PPP2R2B: variants seen among roughly 807,000 people sequenced by gnomAD.
PPP2R2B encodes the protein protein phosphatase 2 regulatory subunit Bbeta.
A neutral mutation model predicts 46.0 loss-of-function variants in PPP2R2B; 5 were observed. That is an observed-to-expected ratio of 0.11 (90% CI 0.06 to 0.23). PPP2R2B has a LOEUF of 0.23. Ranked by LOEUF, PPP2R2B falls within the 10% of genes least tolerant of loss-of-function variation. The pLI is 1.00. For missense variants in PPP2R2B, 367 were observed against 575.0 expected, an observed-to-expected ratio of 0.64 and a Z score of 3.70; for synonymous variants, 215 against 206.7, an observed-to-expected ratio of 1.04 and a Z score of -0.34.
intron 7 of PPP2R2B, among the ~76,000 whole-genome samples, chr5:146,631,644 T>C (rs1017491789): frequency 2.6e-5 from 4 of 152,210 alleles, no homozygotes; most frequent in Non-Finnish European, 5.9e-5. Flanking sequence ...ATCAGGTACC[T>C]CAATGCCTCT....
At chr5:147,069,040 A>T (rs1484079566) in intron 2 of PPP2R2B, among the ~76,000 whole-genome samples, 1 of 152,232 alleles carries the variant, frequency 6.6e-6, no homozygotes, top group East Asian at 1.9e-4. Context: ...AAAAAACAAC[A>T]GATCTTATGT....
intron 2 of PPP2R2B, among the ~76,000 whole-genome samples, chr5:146,848,138 AGTTT>A (rs150086106): frequency 0.15 from 21,944 of 146,424 alleles, 1,903 homozygotes; most frequent in East Asian, 0.36. Flanking sequence ...CTTATTCTTT[AGTTT>A]TTTTTATCTT....
chr5:146,870,870 C>T (rs769242501), intron 2 of PPP2R2B, among the ~76,000 whole-genome samples: 21 of 152,196 alleles, frequency 1.4e-4, no homozygotes, highest in Non-Finnish European at 3.1e-4. Flanking sequence ...TACCCCCATA[C>T]AAGCACACAC....
intron 7 of PPP2R2B, among the ~76,000 whole-genome samples, chr5:146,628,854 A>G (rs1774236214): frequency 6.6e-6 from 1 of 152,198 alleles, no homozygotes; most frequent in Admixed American, 6.5e-5. Flanking sequence ...TCTCAGAAGC[A>G]TTTGACATAA....
At chr5:146,851,363 T>G (rs547151782) in intron 2 of PPP2R2B, among the ~76,000 whole-genome samples, 3 of 152,204 alleles carry the variant, frequency 2.0e-5, no homozygotes, top group South Asian at 2.1e-4. Context: ...GAGAGACAGG[T>G]GCTCACCTTC....
intron 2 of PPP2R2B, among the ~76,000 whole-genome samples, chr5:146,780,583 C>G (rs1205646196): frequency 6.6e-6 from 1 of 152,122 alleles, no homozygotes; most frequent in Non-Finnish European, 1.5e-5. Flanking sequence ...CCCTTTCCAG[C>G]CTATGCTATA....
intron 1 of PPP2R2B, among the ~76,000 whole-genome samples, chr5:147,012,385 T>G (rs1241600660): frequency 2.0e-5 from 3 of 152,036 alleles, no homozygotes; most frequent in African/African-American, 7.2e-5. Flanking sequence ...TGTAGTATTC[T>G]CTGATGGTAG....
At chr5:146,905,128 G>A (rs1293622477) in intron 1 of PPP2R2B, among the ~76,000 whole-genome samples, 3 of 152,120 alleles carry the variant, frequency 2.0e-5, no homozygotes, top group African/African-American at 7.2e-5. Context: ...TACTAGAATT[G>A]CCAAGACTAA....
chr5:146,877,480 A>G (rs1366717519), intron 2 of PPP2R2B, among the ~76,000 whole-genome samples: 1 of 152,096 alleles, frequency 6.6e-6, no homozygotes, highest in Admixed American at 6.5e-5. Flanking sequence ...TTCCAAAAGG[A>G]AAGAGGTTCG....
intron 5 of PPP2R2B, among the ~76,000 whole-genome samples, chr5:146,683,512 T>C (rs576296258): frequency 1.3e-5 from 2 of 152,336 alleles, no homozygotes. Flanking sequence ...TATAGGTTTA[T>C]CTTGAAGATT....
intron 2 of PPP2R2B, among the ~76,000 whole-genome samples, chr5:146,854,048 A>G (rs552254605): frequency 4.6e-5 from 7 of 152,082 alleles, no homozygotes; most frequent in Non-Finnish European, 1.0e-4. Flanking sequence ...GACCAGGTCT[A>G]TATACTAAAC....
At chr5:146,919,629 C>G (rs1290820374) in intron 1 of PPP2R2B, 1 of 152,188 alleles carries the variant, frequency 6.6e-6, no homozygotes, top group Non-Finnish European at 1.5e-5. Context: ...TTCTGTGGGG[C>G]AGCAGATGAC....
At position 146,805,115 on chromosome 5, in the gene PPP2R2B, G is replaced by A. The variant is rs139985338; in HGVS notation, c.70+72887C>T. On this transcript the variant is annotated intron_variant, in intron 2 of 9. Coordinates refer to ENST00000394411, the MANE Select transcript of PPP2R2B (RefSeq NM_181675.4). ...AAGGAGAAGGATTTAATTGCAGAGA[G>A]TGATTAGCCAAATGCTTAGATCAAT... Among the ~76,000 whole-genome samples, 92 of 152,260 alleles carry A rather than the reference G, an allele frequency of 6.0e-4. 1 individual carries two copies. Among genetic ancestry groups the A allele is most frequent in the African/African-American group, 1.9e-3 (79 of 41,566 alleles).
chr5:146,617,208 T>C (rs1773247649), intron 7 of PPP2R2B, among the ~76,000 whole-genome samples: 1 of 151,886 alleles, frequency 6.6e-6, no homozygotes, highest in Admixed American at 6.6e-5. Context: ...AGTAGAAGGA[T>C]GGTTACCAGA....
intron 1 of PPP2R2B, among the ~76,000 whole-genome samples, chr5:146,920,989 C>T (rs971253452): frequency 9.2e-5 from 14 of 152,248 alleles, no homozygotes; most frequent in African/African-American, 2.6e-4. Flanking sequence ...ACCATTTCTG[C>T]CTGGGCAGAC....
At chr5:146,664,810 T>G (rs976586168) in intron 5 of PPP2R2B, among the ~76,000 whole-genome samples, 1 of 152,188 alleles carries the variant, frequency 6.6e-6, no homozygotes, top group African/African-American at 2.4e-5. Flanking sequence ...CAAAAATGAC[T>G]CCTTAATCTG....
At chr5:146,832,469 G>A (rs1312858857) in intron 2 of PPP2R2B, among the ~76,000 whole-genome samples, 5 of 122,732 alleles carry the variant, frequency 4.1e-5, no homozygotes, top group South Asian at 2.9e-4. Context: ...TTGGCTCACC[G>A]CAACCTCCGC....
At chr5:146,897,244 T>C (rs1415162401) in intron 1 of PPP2R2B, among the ~76,000 whole-genome samples, 1 of 152,144 alleles carries the variant, frequency 6.6e-6, no homozygotes, top group East Asian at 1.9e-4. Context: ...GATTTAGAAA[T>C]GCCAAAGATG....
chr5:146,675,310 C>A (rs1171779858), intron 5 of PPP2R2B, among the ~76,000 whole-genome samples: 3 of 152,158 alleles, frequency 2.0e-5, no homozygotes, highest in African/African-American at 7.2e-5. Flanking sequence ...CTGAGTATTG[C>A]CCAAACAACT....
Sources: gnomAD v4.1 joint callset for allele counts (sites outside exome capture counted in the v4.1 genomes callset) on GRCh38, gnomAD v4.1.1 for gene constraint, MANE v1.5 for transcripts, NCBI Gene and HGNC (gene_info 2026-07-23, HGNC 2026-07-21) for gene names.